The following SLC8A1 variants were observed in gnomAD, a reference collection of about 807,000 sequenced individuals.
SLC8A1 encodes sodium/calcium exchanger 1.
SLC8A1 carries 18 observed loss-of-function variants against 68.3 expected under a neutral mutation model. The observed-to-expected ratio is 0.26, with a 90% CI of 0.18 to 0.39. The LOEUF is 0.39. Among genes scored for constraint, SLC8A1 ranks in the 10% least tolerant of loss-of-function variants. SLC8A1 has a pLI of 1.00. For synonymous variants in SLC8A1, 475 were observed against 415.5 expected (o/e 1.14, Z -1.74); for missense variants, 985 against 1,156.7 (o/e 0.85, Z 2.15).
intron 2 of SLC8A1, among the ~76,000 whole-genome samples, chr2:40,356,422 T>A (rs1672680822): frequency 6.6e-6 from 1 of 152,168 alleles, no homozygotes; most frequent in South Asian, 2.1e-4. Flanking sequence ...AAACAATTTA[T>A]AATGCATTTA....
chr2:40,408,321 G>T (rs910929746), intron 2 of SLC8A1, among the ~76,000 whole-genome samples: 6 of 152,070 alleles, frequency 3.9e-5, no homozygotes, highest in Non-Finnish European at 8.8e-5. Context: ...ATCCTCCCAG[G>T]CTTAACTTAT....
intron 2 of SLC8A1, among the ~76,000 whole-genome samples, chr2:40,386,363 G>A (rs902905127): frequency 1.3e-5 from 2 of 150,970 alleles, no homozygotes; most frequent in African/African-American, 2.5e-5. Context: ...TCAATGTAGC[G>A]GAATTCCTTT....
chr2:40,147,360 T>C (rs2042661029), intron 6 of SLC8A1, among the ~76,000 whole-genome samples: 1 of 152,200 alleles, frequency 6.6e-6, no homozygotes. Context: ...ATCTTGAAAT[T>C]CAGAGTGTTC....
chr2:40,256,665 T>C (rs1334204190), intron 2 of SLC8A1, among the ~76,000 whole-genome samples: 4 of 152,076 alleles, frequency 2.6e-5, no homozygotes, highest in Non-Finnish European at 5.9e-5. Context: ...CCTTTCCTAA[T>C]GCTAAGCCAG....
chr2:40,483,037 C>T (rs1364532989), intron 1 of SLC8A1, among the ~76,000 whole-genome samples: 2 of 150,982 alleles, frequency 1.3e-5, no homozygotes, highest in Non-Finnish European at 3.0e-5. Flanking sequence ...ATCTCCTCAC[C>T]TCGTGATCCG....
At chr2:40,319,588 A>G (rs2074936862) in intron 2 of SLC8A1, among the ~76,000 whole-genome samples, 1 of 152,096 alleles carries the variant, frequency 6.6e-6, no homozygotes, top group African/African-American at 2.4e-5. Context: ...ATGCCTCACT[A>G]AGCAGCACAT....
chr2:40,396,955 G>A (rs1350246026), intron 2 of SLC8A1, among the ~76,000 whole-genome samples: 1 of 152,048 alleles, frequency 6.6e-6, no homozygotes, highest in Non-Finnish European at 1.5e-5. Flanking sequence ...AGGTTTGACA[G>A]GTTTCAGGGT....
chr2:40,450,834 C>G (rs1048571349), intron 1 of SLC8A1, among the ~76,000 whole-genome samples: 1 of 152,222 alleles, frequency 6.6e-6, no homozygotes, highest in Non-Finnish European at 1.5e-5. Context: ...ACAACATGCA[C>G]ATTGCTCTCT....
intron 2 of SLC8A1, among the ~76,000 whole-genome samples, chr2:40,343,854 G>A (rs1472016543): frequency 6.6e-6 from 1 of 152,156 alleles, no homozygotes; most frequent in Non-Finnish European, 1.5e-5. Flanking sequence ...GCTAATGATT[G>A]GATGAGTCTT....
At chr2:40,193,532 CA>C (rs1200872636) in intron 2 of SLC8A1, among the ~76,000 whole-genome samples, 1 of 152,018 alleles carries the variant, frequency 6.6e-6, no homozygotes, top group Non-Finnish European at 1.5e-5. Context: ...TAAGAAGCAT[CA>C]GGTTCTATCT....
At chr2:40,269,593 T>C (rs931329339) in intron 2 of SLC8A1, among the ~76,000 whole-genome samples, 5 of 152,094 alleles carry the variant, frequency 3.3e-5, no homozygotes, top group African/African-American at 1.2e-4. Context: ...ACATGATGAA[T>C]CTTAAAGCAA....
chr2:40,313,460 T>A (rs1463406775), intron 2 of SLC8A1, among the ~76,000 whole-genome samples: 1 of 151,944 alleles, frequency 6.6e-6, no homozygotes, highest in Non-Finnish European at 1.5e-5. Context: ...GATAAGTGTA[T>A]GTTTAACTTT....
intron 2 of SLC8A1, among the ~76,000 whole-genome samples, chr2:40,335,555 A>T (rs899507486): frequency 3.3e-5 from 5 of 152,246 alleles, no homozygotes; most frequent in African/African-American, 1.2e-4. Context: ...AATACAATGA[A>T]CATAGCTTCC....
chr2:40,173,127 A>G (rs995906874), intron 4 of SLC8A1, among the ~76,000 whole-genome samples: 8 of 152,142 alleles, frequency 5.3e-5, no homozygotes, highest in African/African-American at 1.9e-4. Flanking sequence ...TGACTTAAAA[A>G]CATTATTACT....
chr2:40,140,115 G>C (rs2041270344), intron 6 of SLC8A1, among the ~76,000 whole-genome samples: 1 of 152,116 alleles, frequency 6.6e-6, no homozygotes, highest in Non-Finnish European at 1.5e-5. Context: ...CCAACTCTGG[G>C]TTATATAATC....
At chr2:40,392,068 G>C (rs1685440818) in intron 2 of SLC8A1, among the ~76,000 whole-genome samples, 1 of 12,574 alleles carries the variant, frequency 8.0e-5, no homozygotes, top group Non-Finnish European at 1.5e-4. Flanking sequence ...GAAGGAAGGA[G>C]AAGGAAGGAA....
intron 2 of SLC8A1, among the ~76,000 whole-genome samples, chr2:40,328,052 A>T (rs1018727594): frequency 6.6e-6 from 1 of 152,220 alleles, no homozygotes; most frequent in African/African-American, 2.4e-5. Context: ...TACCAACCAC[A>T]GGAATTCAGA....
chr2:40,327,060 G>C (rs2075904735), intron 2 of SLC8A1, among the ~76,000 whole-genome samples: 1 of 152,084 alleles, frequency 6.6e-6, no homozygotes. Flanking sequence ...ATTTTAAAAA[G>C]AAAAGAAACT....
intron 2 of SLC8A1, among the ~76,000 whole-genome samples, chr2:40,294,451 A>C (rs1214838027): frequency 1.3e-5 from 2 of 152,164 alleles, no homozygotes; most frequent in Non-Finnish European, 2.9e-5. Flanking sequence ...GTTTGAATTC[A>C]GACAGCCATT....
Sources: allele counts gnomAD v4.1 joint callset (sites outside exome capture counted in the v4.1 genomes callset), GRCh38; gene constraint gnomAD v4.1.1; transcripts MANE v1.5; gene names NCBI Gene and HGNC (gene_info 2026-07-23, HGNC 2026-07-21).